Variants in SLC24A2 observed in about 807,000 individuals in gnomAD.
The protein encoded by SLC24A2 is solute carrier family 24 member 2.
In SLC24A2, 36 loss-of-function variants were observed where a neutral mutation model predicts 62.0. That is an observed-to-expected ratio of 0.58 (90% CI 0.44 to 0.77). The LOEUF (loss-of-function observed/expected upper bound fraction) is 0.77, where lower values mean the gene tolerates loss of function less well. Ranked by LOEUF, SLC24A2 falls within the 30% of genes least tolerant of loss-of-function variation. The pLI, the probability that SLC24A2 is intolerant of heterozygous loss-of-function variation, is 0.00. For missense variants in SLC24A2, 846 were observed against 817.9 expected (o/e 1.03, Z -0.42); for synonymous variants, 358 against 294.0 (o/e 1.22, Z -2.23).
chr9:19,690,282 C>T (rs772054892), intron 2 of SLC24A2, among the ~76,000 whole-genome samples: 5 of 152,000 alleles, frequency 3.3e-5, no homozygotes, highest in African/African-American at 7.3e-5. Context: ...ACTGTGGGTC[C>T]GTTTGATTTA....
chr9:20,225,736 G>T, the SLC24A2 span, among the ~76,000 whole-genome samples: 1 of 149,894 alleles, frequency 6.7e-6, no homozygotes, highest in Non-Finnish European at 1.5e-5. Context: ...TCCTTTCATT[G>T]ATCTTTATTC....
At chr9:19,895,947 C>G in the SLC24A2 span, 3 of 1,612,768 alleles carry the variant, frequency 1.9e-6, no homozygotes, top group Non-Finnish European at 2.5e-6. Flanking sequence ...GCTGCACGTG[C>G]TCCAGGGAGT....
rs533707737 is a variant in SLC24A2, at chr9:19,511,522, C to T, written c.*4631G>A. The T allele has an allele frequency of 2.0e-4, 31 of 152,304 alleles. No homozygotes were observed. Among genetic ancestry groups the T allele is most frequent in the African/African-American group, 7.0e-4 (29 of 41,562 alleles). The allele number at this position is 152,304 out of a possible 1,614,324, so 9.4% of individuals were successfully genotyped here. A position where few individuals can be genotyped will look rare whatever the true frequency, so the allele number is the denominator to read the frequency against. The stretch of plus-strand genomic sequence containing the variant: ...TTGGAATCCTAGGAAATTAATATCT[C>T]CTTTCTTCCCTTTCCTTATTATTCT... On this transcript the variant is annotated 3_prime_UTR_variant, in exon 11 of 11. Coordinates refer to ENST00000341998, the MANE Select transcript of SLC24A2 (RefSeq NM_020344.4).
the SLC24A2 span, among the ~76,000 whole-genome samples, chr9:20,283,355 C>T: frequency 6.6e-6 from 1 of 152,150 alleles, no homozygotes; most frequent in African/African-American, 2.4e-5. Context: ...GTGATCCCTG[C>T]ATGGGGGTTG....
the SLC24A2 span, among the ~76,000 whole-genome samples, chr9:20,224,983 C>A: frequency 6.6e-6 from 1 of 152,018 alleles, no homozygotes; most frequent in Admixed American, 6.6e-5. Flanking sequence ...AAGTCAGGGG[C>A]CCCCTCCTCC....
At chr9:20,111,721 C>T in the SLC24A2 span, among the ~76,000 whole-genome samples, 38 of 152,174 alleles carry the variant, frequency 2.5e-4, no homozygotes, top group Non-Finnish European at 4.9e-4. Context: ...ACTGGTTTAA[C>T]ACATCAGTAG....
intron 3 of SLC24A2, 130 bp from the exon 4 acceptor site, chr9:19,619,822 T>C: frequency 1.4e-6 from 1 of 737,848 alleles, no homozygotes; most frequent in Non-Finnish European, 2.4e-6. Flanking sequence ...GCCAAAGATT[T>C]TCAAAGCACA....
intron 2 of SLC24A2, among the ~76,000 whole-genome samples, chr9:19,702,905 A>T (rs1820397158): frequency 6.6e-6 from 1 of 152,194 alleles, no homozygotes; most frequent in Non-Finnish European, 1.5e-5. Flanking sequence ...GCAAAACATC[A>T]TGTTGTGCAC....
the SLC24A2 span, among the ~76,000 whole-genome samples, chr9:20,127,348 T>G: frequency 6.6e-6 from 1 of 152,188 alleles, no homozygotes; most frequent in Non-Finnish European, 1.5e-5. Context: ...TAACCTTTTC[T>G]TTTATGAAAA....
intron 2 of SLC24A2, among the ~76,000 whole-genome samples, chr9:19,737,862 T>C (rs947639950): frequency 6.6e-6 from 1 of 152,102 alleles, no homozygotes; most frequent in Admixed American, 6.6e-5. Context: ...AGTTCTAACA[T>C]GGAATGTCCT....
intron 4 of SLC24A2, among the ~76,000 whole-genome samples, chr9:19,615,994 G>GCACA (rs3220155): frequency 0.081 from 11,412 of 140,698 alleles, 507 homozygotes; most frequent in African/African-American, 0.11. Context: ...TCACAGGCGT[G>GCACA]CACACACACA....
intron 2 of SLC24A2, among the ~76,000 whole-genome samples, chr9:19,767,977 G>A (rs534849479): frequency 1.4e-3 from 207 of 152,246 alleles, no homozygotes; most frequent in African/African-American, 4.8e-3. Flanking sequence ...ATGGGGCATC[G>A]CATGGTGAAC....
the SLC24A2 span, among the ~76,000 whole-genome samples, chr9:19,908,666 G>A: frequency 6.6e-6 from 1 of 152,106 alleles, no homozygotes; most frequent in Non-Finnish European, 1.5e-5. Flanking sequence ...CAAAAAGTGG[G>A]CAAAGGATAT....
the SLC24A2 span, among the ~76,000 whole-genome samples, chr9:19,973,644 G>A: frequency 2.0e-5 from 3 of 151,868 alleles, no homozygotes; most frequent in African/African-American, 7.3e-5. Context: ...CAGGATTTGG[G>A]GATAATTTAA....
chr9:19,949,716 C>T, the SLC24A2 span, among the ~76,000 whole-genome samples: 1 of 152,178 alleles, frequency 6.6e-6, no homozygotes, highest in Non-Finnish European at 1.5e-5. Context: ...TTCTCTTTTC[C>T]CCTTCCCAAG....
At chr9:19,661,369 T>C (rs1457988530) in intron 2 of SLC24A2, among the ~76,000 whole-genome samples, 1 of 152,172 alleles carries the variant, frequency 6.6e-6, no homozygotes, top group African/African-American at 2.4e-5. Context: ...CATTGACATC[T>C]CTGCATAAAC....
At chr9:20,161,237 T>C in the SLC24A2 span, among the ~76,000 whole-genome samples, 1 of 151,512 alleles carries the variant, frequency 6.6e-6, no homozygotes, top group African/African-American at 2.4e-5. Flanking sequence ...GATACCAAAA[T>C]TATCAATAAG....
the SLC24A2 span, among the ~76,000 whole-genome samples, chr9:19,809,696 TA>T: frequency 1.3e-5 from 2 of 151,950 alleles, no homozygotes; most frequent in African/African-American, 4.8e-5. Context: ...ATAATAAGAT[TA>T]GGGTGGGGCA....
chr9:19,691,370 G>C (rs571172620), intron 2 of SLC24A2, among the ~76,000 whole-genome samples: 92 of 152,298 alleles, frequency 6.0e-4, no homozygotes, highest in African/African-American at 2.1e-3. Flanking sequence ...GGGCAGAAAA[G>C]AGATGTGAAG....
Sources: allele counts gnomAD v4.1 joint callset (sites outside exome capture counted in the v4.1 genomes callset), GRCh38; gene constraint gnomAD v4.1.1; transcripts MANE v1.5; gene names NCBI Gene and HGNC (gene_info 2026-07-23, HGNC 2026-07-21).